The following DCDC1 variants were observed in gnomAD, a reference collection of about 807,000 sequenced individuals.
DCDC1 encodes doublecortin domain containing 1.
In DCDC1, 200 loss-of-function variants were observed where a neutral mutation model predicts 178.3. The ratio of observed to expected loss-of-function variants is 1.12; its 90% CI spans 1.00 to 1.26. DCDC1 has a LOEUF of 1.26. Among genes scored for constraint, DCDC1 ranks in the 50% most tolerant of loss-of-function variants. The pLI is 0.00. For missense variants in DCDC1, 1,983 were observed against 1,749.2 expected (o/e 1.13, Z -2.38); for synonymous variants, 690 against 604.8 (o/e 1.14, Z -2.07).
intron 8 of DCDC1, among the ~76,000 whole-genome samples, chr11:31,250,419 T>C (rs61879863): frequency 0.27 from 27,503 of 102,930 alleles, 5,972 homozygotes; most frequent in East Asian, 0.65. Context: ...CACACACATA[T>C]ACATATATAT....
intron 20 of DCDC1, among the ~76,000 whole-genome samples, chr11:30,961,948 C>T (rs1035156058): frequency 1.3e-5 from 2 of 151,954 alleles, no homozygotes; most frequent in Non-Finnish European, 2.9e-5. Flanking sequence ...GTCTTAAACA[C>T]TGCATAAGGG....
intron 31 of DCDC1, chr11:30,904,279 G>A (rs544116664): frequency 6.6e-6 from 1 of 152,406 alleles, no homozygotes; most frequent in Admixed American, 6.5e-5. Context: ...AGCCAAAGAG[G>A]TGAGGGAATA....
chr11:31,303,081 G>A (rs1948221315), intron 6 of DCDC1, among the ~76,000 whole-genome samples: 1 of 152,068 alleles, frequency 6.6e-6, no homozygotes, highest in South Asian at 2.1e-4. Context: ...CACATAGTAG[G>A]TACTCAATAA....
At chr11:30,942,426 A>T (rs1375865236) in intron 21 of DCDC1, among the ~76,000 whole-genome samples, 1 of 152,152 alleles carries the variant, frequency 6.6e-6, no homozygotes, top group Non-Finnish European at 1.5e-5. Context: ...ATGGTGAGGG[A>T]ATCTCATTAG....
At chr11:30,954,485 T>C (rs1948650713) in intron 20 of DCDC1, among the ~76,000 whole-genome samples, 1 of 152,172 alleles carries the variant, frequency 6.6e-6, no homozygotes, top group South Asian at 2.1e-4. Flanking sequence ...AACTAGTTAA[T>C]TCATCCCATG....
intron 9 of DCDC1, among the ~76,000 whole-genome samples, chr11:31,237,434 C>A (rs1976599050): frequency 6.6e-6 from 1 of 151,544 alleles, no homozygotes; most frequent in Non-Finnish European, 1.5e-5. Context: ...ACACAATATG[C>A]CAAATATAGA....
chr11:30,920,672 A>C, intron 25 of DCDC1, 104 bp downstream of exon 25: 1 of 1,393,142 alleles, frequency 7.2e-7, no homozygotes, highest in African/African-American at 1.4e-5. Context: ...TTAGTTTCAC[A>C]AACTTGGCAT....
At chr11:31,330,063 T>G (rs1181565988) in intron 2 of DCDC1, among the ~76,000 whole-genome samples, 1 of 152,166 alleles carries the variant, frequency 6.6e-6, no homozygotes, top group Non-Finnish European at 1.5e-5. Flanking sequence ...CAGCACCTGT[T>G]GTTTCCTGAC....
intron 20 of DCDC1, among the ~76,000 whole-genome samples, chr11:31,012,532 G>C (rs562544478): frequency 6.6e-6 from 1 of 151,576 alleles, no homozygotes; most frequent in Non-Finnish European, 1.5e-5. Flanking sequence ...CTGAGCCTGA[G>C]AGGTTGAGCC....
intron 7 of DCDC1, among the ~76,000 whole-genome samples, chr11:31,267,313 C>T (rs1176690472): frequency 6.6e-6 from 1 of 152,092 alleles, no homozygotes; most frequent in Non-Finnish European, 1.5e-5. Context: ...GCCTCAGCCT[C>T]CCAGGTAGCT....
intron 20 of DCDC1, among the ~76,000 whole-genome samples, chr11:31,049,848 C>T (rs1395220022): frequency 6.6e-6 from 1 of 152,194 alleles, no homozygotes; most frequent in Non-Finnish European, 1.5e-5. Flanking sequence ...CAGAAAGGCC[C>T]TGGGAGCTTG....
At chr11:31,025,162 A>T (rs892934217) in intron 20 of DCDC1, among the ~76,000 whole-genome samples, 3 of 151,838 alleles carry the variant, frequency 2.0e-5, no homozygotes, top group Non-Finnish European at 4.4e-5. Flanking sequence ...ATAGAACAAC[A>T]TGTACAGAGT....
chr11:31,040,332 T>C (rs942167129), intron 20 of DCDC1, among the ~76,000 whole-genome samples: 1 of 152,208 alleles, frequency 6.6e-6, no homozygotes, highest in African/African-American at 2.4e-5. Flanking sequence ...TCTCAGACTT[T>C]CCTATGCACT....
chr11:31,308,676 AC>A (rs1188226543), intron 3 of DCDC1, among the ~76,000 whole-genome samples: 2 of 152,172 alleles, frequency 1.3e-5, no homozygotes, highest in Non-Finnish European at 2.9e-5. Flanking sequence ...TGAACAGGGA[AC>A]CACATGACCT....
intron 1 of DCDC1, among the ~76,000 whole-genome samples, chr11:31,335,982 G>A (rs1304281592): frequency 3.9e-5 from 6 of 151,984 alleles, no homozygotes; most frequent in South Asian, 2.1e-4. Flanking sequence ...ATTCATTCAC[G>A]CATTATTCGT....
In DCDC1 at chr11:30,922,646, A is replaced by G. The variant is rs779020853; in HGVS notation, c.2998-8T>C. The G allele has an allele frequency of 2.0e-6, 3 of 1,527,890 alleles. No individual in the cohort carries two copies. Among genetic ancestry groups the G allele is most frequent in the East Asian group, 2.5e-5 (1 of 40,436 alleles). The allele number at this position is 1,527,890 out of a possible 1,614,324, so 94.6% of individuals were successfully genotyped here. ...TCCACATGAAACATACACCTATCAA[A>G]CAAAGCATCTCTTATCCTGTATATA... is the stretch of plus-strand genomic sequence containing the variant. On this transcript the variant is annotated splice_polypyrimidine_tract_variant and splice_region_variant and intron_variant, in intron 23 of 38. Coordinates refer to ENST00000684477, the MANE Select transcript of DCDC1 (RefSeq NM_001387274.1).
At chr11:31,267,162 C>G (rs948718720) in intron 7 of DCDC1, among the ~76,000 whole-genome samples, 1 of 151,978 alleles carries the variant, frequency 6.6e-6, no homozygotes, top group African/African-American at 2.4e-5. Flanking sequence ...AGAATGCATA[C>G]CTGCTCATTA....
intron 3 of DCDC1, among the ~76,000 whole-genome samples, chr11:31,313,316 C>T (rs917423337): frequency 7.2e-5 from 11 of 152,130 alleles, no homozygotes; most frequent in African/African-American, 1.2e-4. Context: ...TGATTACTTA[C>T]TCATTACTTT....
At chr11:30,878,465 A>G in intron 38 of DCDC1, 79 bp downstream of exon 38, 1 of 1,262,586 alleles carries the variant, frequency 7.9e-7, no homozygotes. Context: ...GAAAAGAAAG[A>G]GGGGGGAACT....
Sources: gnomAD v4.1 joint callset for allele counts (sites outside exome capture counted in the v4.1 genomes callset) on GRCh38, gnomAD v4.1.1 for gene constraint, MANE v1.5 for transcripts, NCBI Gene and HGNC (gene_info 2026-07-23, HGNC 2026-07-21) for gene names.